MECR: variants seen among roughly 807,000 people sequenced by gnomAD.
The protein encoded by MECR is enoyl-[acyl-carrier-protein] reductase, mitochondrial.
MECR carries 37 observed loss-of-function variants against 49.1 expected under a neutral mutation model. The ratio of observed to expected loss-of-function variants is 0.75; its 90% CI spans 0.58 to 0.99. The LOEUF (loss-of-function observed/expected upper bound fraction) is 0.99, where lower values mean the gene tolerates loss of function less well. Ranked by LOEUF, MECR falls within the 50% of genes least tolerant of loss-of-function variation. The pLI is 0.00. For synonymous variants in MECR, 198 were observed against 191.1 expected, an observed-to-expected ratio of 1.04 and a Z score of -0.30; for missense variants, 470 against 479.6, an observed-to-expected ratio of 0.98 and a Z score of 0.19.
the MECR span, among the ~76,000 whole-genome samples, chr1:29,177,288 T>G: frequency 1.3e-5 from 2 of 151,672 alleles, no homozygotes; most frequent in Non-Finnish European, 2.9e-5. Context: ...TTTTTGTTTT[T>G]TTTTTTTTTT....
chr1:29,198,531 C>T (rs1011014752), intron 7 of MECR, among the ~76,000 whole-genome samples: 11 of 152,160 alleles, frequency 7.2e-5, no homozygotes, highest in Non-Finnish European at 1.5e-4. Flanking sequence ...AGGGCTGAAG[C>T]GGTGTGCTCA....
At chr1:29,228,613 G>A (rs1036556600) in intron 1 of MECR, among the ~76,000 whole-genome samples, 5 of 152,092 alleles carry the variant, frequency 3.3e-5, no homozygotes, top group Non-Finnish European at 5.9e-5. Flanking sequence ...ATCGCGCCCG[G>A]TTGGAAGTAT....
the MECR span, among the ~76,000 whole-genome samples, chr1:29,175,554 G>A: frequency 6.7e-6 from 1 of 149,844 alleles, no homozygotes; most frequent in Non-Finnish European, 1.5e-5. Context: ...AATTAGCCGG[G>A]AGCGGTGGCG....
chr1:29,195,039 C>T (rs893198846), intron 9 of MECR, among the ~76,000 whole-genome samples: 5 of 152,062 alleles, frequency 3.3e-5, no homozygotes, highest in African/African-American at 9.7e-5. Context: ...TCACCTGAAC[C>T]GAGGAGGTTG....
At chr1:29,206,439 G>A (rs903653354) in intron 4 of MECR, among the ~76,000 whole-genome samples, 1 of 152,206 alleles carries the variant, frequency 6.6e-6, no homozygotes, top group East Asian at 1.9e-4. Flanking sequence ...CATAGGGACT[G>A]TGTCTATCTT....
At chr1:29,184,375 C>A in the MECR span, among the ~76,000 whole-genome samples, 1 of 152,050 alleles carries the variant, frequency 6.6e-6, no homozygotes, top group African/African-American at 2.4e-5. Flanking sequence ...CTGGGTTTCA[C>A]CATGTTGGCC....
At chr1:29,184,157 C>T in the MECR span, among the ~76,000 whole-genome samples, 4 of 144,860 alleles carry the variant, frequency 2.8e-5, no homozygotes, top group Admixed American at 7.0e-5. Flanking sequence ...GGACTACAGG[C>T]GTGAGCCACT....
intron 1 of MECR, among the ~76,000 whole-genome samples, chr1:29,225,834 G>A (rs1681897935): frequency 6.6e-6 from 1 of 152,084 alleles, no homozygotes; most frequent in Admixed American, 6.6e-5. Flanking sequence ...GGACAGACTG[G>A]GGCCCCACTA....
At chr1:29,178,353 C>CTTTTTTTTTTTTTT in the MECR span, among the ~76,000 whole-genome samples, 106 of 127,902 alleles carry the variant, frequency 8.3e-4, 1 homozygote, top group African/African-American at 1.1e-3. Flanking sequence ...GTTTCAATTA[C>CTTTTTTTTTTTTTT]TTTTTTTTTT....
chr1:29,183,690 G>A, the MECR span, among the ~76,000 whole-genome samples: 1 of 152,010 alleles, frequency 6.6e-6, no homozygotes, highest in African/African-American at 2.4e-5. Flanking sequence ...ATTCATAGGT[G>A]CTCACTATAT....
the MECR span, chr1:29,181,978 C>A: frequency 8.0e-6 from 3 of 375,430 alleles, no homozygotes; most frequent in Non-Finnish European, 1.4e-5. Context: ...GCGTTCGCTT[C>A]CCGCTCGGCC....
At chr1:29,226,896 C>A (rs141934269) in intron 1 of MECR, among the ~76,000 whole-genome samples, 3 of 148,808 alleles carry the variant, frequency 2.0e-5, no homozygotes, top group Admixed American at 2.0e-4. Context: ...AAGTTCTGAG[C>A]GGACTTTCAG....
chr1:29,194,866 A>G (rs1673586316), intron 9 of MECR, among the ~76,000 whole-genome samples: 1 of 152,166 alleles, frequency 6.6e-6, no homozygotes, highest in African/African-American at 2.4e-5. Context: ...CTGTAATCCC[A>G]GCACTCTTGG....
chr1:29,230,651 C>T, intron 1 of MECR, 80 bp downstream of exon 1: 1 of 1,505,444 alleles, frequency 6.6e-7, no homozygotes, highest in East Asian at 2.5e-5. Flanking sequence ...GACCCTGTCC[C>T]TCTCTTCCCA....
chr1:29,216,922 G>A (rs1044019765), intron 1 of MECR: 2 of 851,126 alleles, frequency 2.3e-6, no homozygotes, highest in African/African-American at 1.8e-5. Flanking sequence ...ATAACCTGAG[G>A]TCAGGAGTTC....
chr1:29,190,245 G>C (rs1673093412), downstream of MECR, among the ~76,000 whole-genome samples: 1 of 152,028 alleles, frequency 6.6e-6, no homozygotes, highest in Non-Finnish European at 1.5e-5. Flanking sequence ...CGCGGTGGCA[G>C]GCGCCTGTAG....
chr1:29,227,179 TC>T (rs1447461233), intron 1 of MECR, among the ~76,000 whole-genome samples: 2 of 152,042 alleles, frequency 1.3e-5, no homozygotes, highest in Non-Finnish European at 2.9e-5. Context: ...GCCAGGCTGG[TC>T]TCGAGCACCT....
the MECR span, among the ~76,000 whole-genome samples, chr1:29,167,927 A>C: frequency 6.6e-6 from 1 of 152,034 alleles, no homozygotes; most frequent in Non-Finnish European, 1.5e-5. Flanking sequence ...GCTCATTTTC[A>C]AGGAGCTCAT....
the MECR span, chr1:29,171,711 G>A: frequency 2.0e-5 from 3 of 151,896 alleles, no homozygotes; most frequent in Admixed American, 6.6e-5. Context: ...TAAAATTTGC[G>A]GTTCTGGGTA....
Sources: gnomAD v4.1 joint callset for allele counts (sites outside exome capture counted in the v4.1 genomes callset) on GRCh38, gnomAD v4.1.1 for gene constraint, MANE v1.5 for transcripts, NCBI Gene and HGNC (gene_info 2026-07-23, HGNC 2026-07-21) for gene names.